Variants in CCDC6 observed in about 807,000 individuals in gnomAD.
The protein encoded by CCDC6 is coiled-coil domain-containing protein 6.
A neutral mutation model predicts 56.6 loss-of-function variants in CCDC6; 20 were observed. The ratio of observed to expected loss-of-function variants is 0.35; its 90% CI spans 0.25 to 0.51. CCDC6 has a LOEUF of 0.51. Ranked by LOEUF, CCDC6 falls within the 20% of genes least tolerant of loss-of-function variation. The pLI is 0.95. For synonymous variants in CCDC6, 241 were observed against 234.4 expected (o/e 1.03, Z -0.26); for missense variants, 367 against 601.1 (o/e 0.61, Z 4.07).
chr10:59,847,292 A>G (rs2132653381), intron 2 of CCDC6, among the ~76,000 whole-genome samples: 1 of 148,362 alleles, frequency 6.7e-6, no homozygotes, highest in East Asian at 2.0e-4. Context: ...TGACCTCGTG[A>G]TCCGCCCGCC....
At chr10:59,865,419 G>T (rs543094990) in intron 1 of CCDC6, among the ~76,000 whole-genome samples, 1 of 151,988 alleles carries the variant, frequency 6.6e-6, no homozygotes, top group African/African-American at 2.4e-5. Context: ...ACCCTTTCCC[G>T]GCAAGGTGCA....
rs1422883982 is a variant in CCDC6 at position 59,796,112 on chromosome 10, C to A, written c.1106-1515G>T. Among the ~76,000 whole-genome samples, 7 of 152,278 alleles carry A rather than the reference C, an allele frequency of 4.6e-5. No homozygotes were observed. The East Asian group carries it at 1.4e-3, about 29-fold the overall frequency. On this transcript the variant is annotated intron_variant, in intron 7 of 8. Transcript: ENST00000263102. ...CCACCAACAGTGTAAAAGTGTTCCT[C>A]TTTCTCCACATCCTCTCCAGCACCT...
chr10:59,869,389 CAAAAAAAAAAAAAAAAA>C (rs1167007522), intron 1 of CCDC6, among the ~76,000 whole-genome samples: 3 of 6,090 alleles, frequency 4.9e-4, no homozygotes, highest in South Asian at 0.031. Flanking sequence ...CTTGCTCAGG[CAAAAAAAAAAAAAAAAA>C]AAAAAAAAAA....
chr10:59,864,699 T>C (rs2132664138), intron 1 of CCDC6, among the ~76,000 whole-genome samples: 1 of 152,294 alleles, frequency 6.6e-6, no homozygotes, highest in Non-Finnish European at 1.5e-5. Context: ...CTGGTTTCAC[T>C]GGGCTCACTC....
intron 2 of CCDC6, among the ~76,000 whole-genome samples, chr10:59,850,075 G>C (rs963894580): frequency 2.0e-5 from 3 of 152,178 alleles, no homozygotes; most frequent in Non-Finnish European, 4.4e-5. Flanking sequence ...GTGACACCTG[G>C]TGTCTAAAGC....
intron 3 of CCDC6, among the ~76,000 whole-genome samples, chr10:59,831,013 A>G (rs1206090681): frequency 2.0e-5 from 3 of 152,238 alleles, no homozygotes; most frequent in Non-Finnish European, 4.4e-5. Flanking sequence ...CTCTTGATTA[A>G]CAAGTAAATA....
chr10:59,855,539 CTG>C (rs2071074709), intron 1 of CCDC6, among the ~76,000 whole-genome samples: 2 of 152,176 alleles, frequency 1.3e-5, no homozygotes. Flanking sequence ...GCACTCCAGG[CTG>C]TGTGACAGAG....
intron 8 of CCDC6, among the ~76,000 whole-genome samples, chr10:59,793,365 G>A (rs143055217): frequency 6.6e-6 from 1 of 152,176 alleles, no homozygotes; most frequent in Non-Finnish European, 1.5e-5. Context: ...CTGGACTTGG[G>A]TCCTTCAACG....
At chr10:59,882,026 C>CCGCG (rs1564755796) in intron 1 of CCDC6, among the ~76,000 whole-genome samples, 1 of 51,480 alleles carries the variant, frequency 1.9e-5, no homozygotes, top group Non-Finnish European at 4.1e-5. Context: ...AGGAAAGCCG[C>CCGCG]GGGGAGAAGG....
At chr10:59,827,646 C>T (rs1440075137) in intron 3 of CCDC6, among the ~76,000 whole-genome samples, 4 of 152,090 alleles carry the variant, frequency 2.6e-5, no homozygotes, top group Non-Finnish European at 5.9e-5. Context: ...TAAATGGATG[C>T]TAATAAGCTA....
chr10:59,861,981 T>C (rs1306767689), intron 1 of CCDC6, among the ~76,000 whole-genome samples: 1 of 152,108 alleles, frequency 6.6e-6, no homozygotes, highest in Non-Finnish European at 1.5e-5. Context: ...CCAGTCAGGA[T>C]AAATTCAAAA....
intron 8 of CCDC6, 82 bp from the exon 9 acceptor site, chr10:59,793,193 G>T: frequency 8.8e-7 from 1 of 1,136,478 alleles, no homozygotes. Flanking sequence ...TTGGCACTGG[G>T]GCTAATCAAA....
chr10:59,906,498 T>TGGGCGCCGGGCGAGCACAGGG lies in CCDC6; in HGVS notation c.-95_-75dup. On this transcript the variant is annotated 5_prime_UTR_variant, in exon 1 of 9. Coordinates refer to ENST00000263102, the MANE Select transcript of CCDC6 (RefSeq NM_005436.5). ...CGACGAAGGCCGGGCTGCGAATGAG[T>TGGGCGCCGGGCGAGCACAGGG]GGGCGCCGGGCGAGCACAGGGGAGC... 1 of 1,306,548 alleles carries TGGGCGCCGGGCGAGCACAGGG rather than the reference T, an allele frequency of 7.7e-7. No homozygotes were observed. Among genetic ancestry groups the TGGGCGCCGGGCGAGCACAGGG allele is most frequent in the Non-Finnish European group, 1.0e-6 (1 of 999,580 alleles). The allele number at this position is 1,306,548 out of a possible 1,614,324, so 80.9% of individuals were successfully genotyped here.
At chr10:59,873,110 G>A (rs1179501471) in intron 1 of CCDC6, among the ~76,000 whole-genome samples, 2 of 152,146 alleles carry the variant, frequency 1.3e-5, no homozygotes, top group African/African-American at 2.4e-5. Context: ...TCCTCTGGCG[G>A]TGCTACAGTA....
At chr10:59,859,463 G>A (rs1156941904) in intron 1 of CCDC6, among the ~76,000 whole-genome samples, 1 of 152,082 alleles carries the variant, frequency 6.6e-6, no homozygotes, top group Non-Finnish European at 1.5e-5. Flanking sequence ...TGAGCAGCAA[G>A]AGACTAACAC....
intron 1 of CCDC6, among the ~76,000 whole-genome samples, chr10:59,888,508 A>AC (rs2071399125): frequency 6.6e-6 from 1 of 151,754 alleles, no homozygotes; most frequent in African/African-American, 2.4e-5. Context: ...AGCAGGTAAA[A>AC]GGTCTCCAAG....
chr10:59,860,257 T>C (rs1453883464), intron 1 of CCDC6, among the ~76,000 whole-genome samples: 2 of 152,080 alleles, frequency 1.3e-5, no homozygotes, highest in Non-Finnish European at 2.9e-5. Flanking sequence ...ACAGATCCAA[T>C]GCCCCCGAGG....
intron 2 of CCDC6, among the ~76,000 whole-genome samples, chr10:59,839,095 T>C (rs1189667097): frequency 6.6e-6 from 1 of 152,238 alleles, no homozygotes; most frequent in Non-Finnish European, 1.5e-5. Context: ...TGGTTGAATC[T>C]TCATAACTCT....
intron 2 of CCDC6, among the ~76,000 whole-genome samples, chr10:59,847,111 G>A (rs2070999015): frequency 6.6e-6 from 1 of 151,708 alleles, no homozygotes; most frequent in East Asian, 1.9e-4. Flanking sequence ...GGAGTGCAGT[G>A]GCGCTATCTC....
Sources: gnomAD v4.1 joint callset for allele counts (sites outside exome capture counted in the v4.1 genomes callset) on GRCh38, gnomAD v4.1.1 for gene constraint, MANE v1.5 for transcripts, NCBI Gene and HGNC (gene_info 2026-07-23, HGNC 2026-07-21) for gene names.